The following CDH8 variants were observed in gnomAD, a reference collection of about 807,000 sequenced individuals.
CDH8 encodes cadherin-8.
In CDH8, 17 loss-of-function variants were observed where a neutral mutation model predicts 68.1. The ratio of observed to expected loss-of-function variants is 0.25; its 90% CI spans 0.17 to 0.37. The LOEUF is 0.37. Ranked by LOEUF, CDH8 falls within the 10% of genes least tolerant of loss-of-function variation. CDH8 has a pLI of 1.00. For synonymous variants in CDH8, 372 were observed against 365.1 expected, an observed-to-expected ratio of 1.02 and a Z score of -0.21; for missense variants, 763 against 999.3, an observed-to-expected ratio of 0.76 and a Z score of 3.19.
chr16:61,794,774 C>A (rs1431467096), intron 7 of CDH8, among the ~76,000 whole-genome samples: 1 of 151,938 alleles, frequency 6.6e-6, no homozygotes, highest in Non-Finnish European at 1.5e-5. Flanking sequence ...ACTTTTCTAA[C>A]CAAAATCTCT....
intron 1 of CDH8, among the ~76,000 whole-genome samples, chr16:62,035,662 G>T (rs1902439084): frequency 6.6e-6 from 1 of 152,104 alleles, no homozygotes; most frequent in East Asian, 1.9e-4. Flanking sequence ...TGCACCCTCC[G>T]CACAGCGGGC....
At chr16:61,740,708 T>C (rs1466087432) in intron 8 of CDH8, among the ~76,000 whole-genome samples, 1 of 152,222 alleles carries the variant, frequency 6.6e-6, no homozygotes, top group Admixed American at 6.5e-5. Context: ...ATTCATATAG[T>C]TGCAGCAGTA....
intron 3 of CDH8, among the ~76,000 whole-genome samples, chr16:61,880,619 T>G (rs1963557216): frequency 6.6e-6 from 1 of 151,176 alleles, no homozygotes; most frequent in East Asian, 2.0e-4. Flanking sequence ...ATGGCTTGTA[T>G]TTATTATAAA....
chr16:61,961,173 G>C (rs1360282786), intron 2 of CDH8, among the ~76,000 whole-genome samples: 2 of 152,072 alleles, frequency 1.3e-5, no homozygotes, highest in African/African-American at 2.4e-5. Flanking sequence ...AAATTAGCCA[G>C]GTGTGGAGGC....
chr16:61,740,382 T>G (rs182582076), intron 8 of CDH8, among the ~76,000 whole-genome samples: 74 of 152,282 alleles, frequency 4.9e-4, no homozygotes, highest in South Asian at 8.3e-4. Flanking sequence ...TCCTTATTTT[T>G]TTTATGTGGA....
intron 10 of CDH8, among the ~76,000 whole-genome samples, chr16:61,660,522 A>C (rs1434661392): frequency 6.6e-6 from 1 of 152,004 alleles, no homozygotes; most frequent in Non-Finnish European, 1.5e-5. Flanking sequence ...GGGGAAGAGA[A>C]GGAGAAAGAA....
intron 8 of CDH8, among the ~76,000 whole-genome samples, chr16:61,778,979 G>A (rs1268126387): frequency 1.3e-5 from 2 of 152,288 alleles, no homozygotes; most frequent in East Asian, 3.9e-4. Context: ...CATCATTAGC[G>A]AAAAGCTTCA....
chr16:61,669,685 A>G (rs1031980845), intron 10 of CDH8, among the ~76,000 whole-genome samples: 3 of 151,952 alleles, frequency 2.0e-5, no homozygotes, highest in African/African-American at 7.2e-5. Flanking sequence ...GCTCCCATAC[A>G]CTGTGGTCCG....
At chr16:61,989,587 G>A (rs1567558653) in intron 2 of CDH8, among the ~76,000 whole-genome samples, 1 of 152,178 alleles carries the variant, frequency 6.6e-6, no homozygotes, top group Non-Finnish European at 1.5e-5. Flanking sequence ...TGCTTGTGTA[G>A]CCAGAGCCTC....
chr16:61,873,539 T>C (rs567347449), intron 3 of CDH8, among the ~76,000 whole-genome samples: 16 of 152,344 alleles, frequency 1.1e-4, no homozygotes, highest in African/African-American at 3.6e-4. Context: ...CAAATACGTT[T>C]ACTATACAGA....
At chr16:61,657,406 T>G (rs566858508) in intron 10 of CDH8, among the ~76,000 whole-genome samples, 1 of 152,230 alleles carries the variant, frequency 6.6e-6, no homozygotes, top group Admixed American at 6.5e-5. Context: ...GATTTAACAA[T>G]TGTTTTCTGA....
intron 4 of CDH8, among the ~76,000 whole-genome samples, chr16:61,830,799 T>C (rs1393656404): frequency 6.6e-6 from 1 of 151,852 alleles, no homozygotes; most frequent in Non-Finnish European, 1.5e-5. Context: ...ATGTGAATAT[T>C]TGATAAATAA....
chr16:61,795,775 C>T (rs1460952392), intron 7 of CDH8, among the ~76,000 whole-genome samples: 1 of 152,008 alleles, frequency 6.6e-6, no homozygotes, highest in African/African-American at 2.4e-5. Flanking sequence ...TTTGTCTATA[C>T]CAGGGTTTAC....
chr16:61,751,751 T>C (rs1372811425), intron 8 of CDH8, among the ~76,000 whole-genome samples: 1 of 152,162 alleles, frequency 6.6e-6, no homozygotes, highest in Non-Finnish European at 1.5e-5. Flanking sequence ...TTTTGAAAAC[T>C]GAATGGTAAT....
intron 2 of CDH8, among the ~76,000 whole-genome samples, chr16:61,953,895 T>TTATATATATAAATATATATATATATA (rs1964935792): frequency 8.4e-6 from 1 of 118,878 alleles, no homozygotes; most frequent in African/African-American, 3.8e-5. Context: ...AAAAAAAACT[T>TTATATATATAAATATATATATATATA]TATATATATA....
chr16:61,954,171 A>G (rs903055309), intron 2 of CDH8, among the ~76,000 whole-genome samples: 1 of 151,936 alleles, frequency 6.6e-6, no homozygotes, highest in Non-Finnish European at 1.5e-5. Context: ...GGCTTCCCAT[A>G]TCTTGCTAAA....
Position 61,990,305 on chromosome 16 carries a change from CTTTTTTTTTTTTTTTT to C in CDH8, c.252+30831_252+30846del, listed in dbSNP as rs71134381. Among the ~76,000 whole-genome samples the C allele has an allele frequency of 8.4e-5, 7 of 82,988 alleles. No homozygotes were observed. The East Asian group carries it at 1.4e-3, about 16-fold the overall frequency. The allele number at this position is 82,988 out of a possible 152,430, so 54.4% of individuals were successfully genotyped here. ...TAGTAATAAGATTCTTGAAGAAGTC[CTTTTTTTTTTTTTTTT>C]TTTTTTTTTTTGAGACTAAGTCTCA... On this transcript the variant is annotated intron_variant, in intron 2 of 11. Coordinates refer to ENST00000577390, the MANE Select transcript of CDH8 (RefSeq NM_001796.5).
chr16:61,988,025 T>C (rs1345132568), intron 2 of CDH8, among the ~76,000 whole-genome samples: 1 of 152,168 alleles, frequency 6.6e-6, no homozygotes, highest in Non-Finnish European at 1.5e-5. Flanking sequence ...CTGTGACCAA[T>C]TTATATTTAC....
chr16:61,800,425 A>C (rs1259789257), intron 7 of CDH8, among the ~76,000 whole-genome samples: 3 of 152,140 alleles, frequency 2.0e-5, no homozygotes, highest in Non-Finnish European at 2.9e-5. Context: ...TCTTCACTAC[A>C]GTCTACACCC....
Sources: gnomAD v4.1 joint callset for allele counts (sites outside exome capture counted in the v4.1 genomes callset) on GRCh38, gnomAD v4.1.1 for gene constraint, MANE v1.5 for transcripts, NCBI Gene and HGNC (gene_info 2026-07-23, HGNC 2026-07-21) for gene names.